HSDL1: variants seen among roughly 807,000 people sequenced by gnomAD.
HSDL1 encodes inactive hydroxysteroid dehydrogenase-like protein 1.
Under a neutral mutation model 31.5 loss-of-function variants are expected in HSDL1, and 29 were observed. That is an observed-to-expected ratio of 0.92 (90% CI 0.69 to 1.26). The LOEUF (loss-of-function observed/expected upper bound fraction) is 1.26. Among genes scored for constraint, HSDL1 ranks in the 50% most tolerant of loss-of-function variants. The probability of loss-of-function intolerance (pLI) is 0.00; values close to 1 mark genes in which losing one functional copy is unlikely to be tolerated. For synonymous variants in HSDL1, 222 were observed against 155.2 expected (o/e 1.43, Z -3.20); for missense variants, 503 against 416.6 (o/e 1.21, Z -1.81).
chr16:84,141,401 G>A lies in HSDL1; in HGVS notation c.-69+3679C>T, dbSNP rs866048103. Among the ~76,000 whole-genome samples, 13 of 151,660 alleles carry A rather than the reference G, an allele frequency of 8.6e-5. No individual in the cohort carries two copies. The South Asian group carries it at 1.0e-3, about 12-fold the overall frequency. On this transcript the variant is annotated intron_variant, in intron 1 of 5. Coordinates refer to ENST00000219439, the MANE Select transcript of HSDL1 (RefSeq NM_031463.5). ...CCTGCTGCTGGTTCAGATACACCAC[G>A]ATTCACAGGTCCCCCTGCTGCTGGT...
chr16:84,133,202 T>A (rs1336891666), intron 2 of HSDL1, among the ~76,000 whole-genome samples: 2 of 152,106 alleles, frequency 1.3e-5, no homozygotes, highest in African/African-American at 4.8e-5. Flanking sequence ...AAAAGGCATA[T>A]AAAATAATTT....
intron 4 of HSDL1, 69 bp from the exon 5 acceptor site, chr16:84,129,844 A>G: frequency 4.8e-6 from 7 of 1,456,146 alleles, no homozygotes; most frequent in Non-Finnish European, 6.6e-6. Flanking sequence ...AGAAAAAAAG[A>G]CTTGCTTATT....
chr16:84,131,472 T>A, intron 2 of HSDL1, 145 bp from the exon 3 acceptor site: 1 of 630,878 alleles, frequency 1.6e-6, no homozygotes. Flanking sequence ...TGTACGTGGC[T>A]CACAGTTTCA....
rs778621571 is a variant in HSDL1, at chr16:84,130,424, T to A, written c.228A>T (p.Thr76=). 8.1e-6 allele frequency: 13 copies of A among 1,605,838 alleles called. No homozygotes were observed. Among genetic ancestry groups the A allele is most frequent in the Non-Finnish European group, 1.1e-5 (13 of 1,176,164 alleles). ...CAGCGTAGGCTTTTCCAATCCCATC[T>A]GTTGCACCTAGGATGCAAGTCAGGA... is the stretch of plus-strand genomic sequence containing the variant. ...YGRWAVVSGA[T]DGIGKAYAEE... The change falls in exon 4 of 6, where the codon ACA becomes ACT. Residue 76 remains threonine, a synonymous_variant. Transcript: ENST00000219439.
At chr16:84,131,664 GCCA>G (rs2151187742) in intron 2 of HSDL1, among the ~76,000 whole-genome samples, 1 of 147,490 alleles carries the variant, frequency 6.8e-6, no homozygotes, top group African/African-American at 2.5e-5. Context: ...ACAGGCACAT[GCCA>G]CCACGCCCGG....
At position 84,131,464 on chromosome 16, in the gene HSDL1, T is replaced by A. The variant is rs1231080186; in HGVS notation, c.-6-137A>T. 8 of 642,980 alleles carry A rather than the reference T, an allele frequency of 1.2e-5. No individual in the cohort carries two copies. The Admixed American group carries it at 2.1e-4, about 17-fold the overall frequency. The allele number at this position is 642,980 out of a possible 1,614,324, so 39.8% of individuals were successfully genotyped here. A position where few individuals can be genotyped will look rare whatever the true frequency, so the allele number is the denominator to read the frequency against. On this transcript the variant is annotated intron_variant, in intron 2 of 5. Coordinates refer to ENST00000219439, the MANE Select transcript of HSDL1 (RefSeq NM_031463.5). ...TCAAATAACACTAACTTTTCAAATGTACGTGGCTCACAGTTTCAGTCTATC... is the reference window on the plus strand; with the variant it reads ...TCAAATAACACTAACTTTTCAAATGAACGTGGCTCACAGTTTCAGTCTATC...
intron 1 of HSDL1, among the ~76,000 whole-genome samples, chr16:84,142,082 A>T (rs2086774082): frequency 6.6e-6 from 1 of 152,108 alleles, no homozygotes; most frequent in South Asian, 2.1e-4. Context: ...ATGTACCACC[A>T]AGCCCAGTTA....
chr16:84,135,051 G>A (rs1181079956), intron 2 of HSDL1, among the ~76,000 whole-genome samples: 1 of 152,106 alleles, frequency 6.6e-6, no homozygotes, highest in Non-Finnish European at 1.5e-5. Flanking sequence ...GGCCAACAGG[G>A]TGAAACCCTG....
intron 2 of HSDL1, 136 bp from the exon 3 acceptor site, chr16:84,131,463 G>C (rs948815963): frequency 1.6e-6 from 1 of 642,976 alleles, no homozygotes; most frequent in African/African-American, 1.8e-5. Flanking sequence ...CTTTTCAAAT[G>C]TACGTGGCTC....
chr16:84,124,487 A>G lies in HSDL1; in HGVS notation c.*143T>C, dbSNP rs2086582620. On this transcript the variant is annotated 3_prime_UTR_variant, in exon 6 of 6. Coordinates refer to ENST00000219439, the MANE Select transcript of HSDL1 (RefSeq NM_031463.5). Reference sequence around the variant, plus strand: ...TTTTTCACAGCACTCTGACGGTATTATGTGTGTTTTGCAAATGACGAATCA... The same window carrying G: ...TTTTTCACAGCACTCTGACGGTATTGTGTGTGTTTTGCAAATGACGAATCA... 1 of 617,252 alleles carries G rather than the reference A, an allele frequency of 1.6e-6. No homozygotes were observed. Among genetic ancestry groups the G allele is most frequent in the Non-Finnish European group, 3.0e-6 (1 of 332,016 alleles). The allele number at this position is 617,252 out of a possible 1,614,324, so 38.2% of individuals were successfully genotyped here. A position where few individuals can be genotyped will look rare whatever the true frequency, so the allele number is the denominator to read the frequency against.
rs750038524 is a variant in HSDL1 at position 84,131,201 on chromosome 16, T to C, written c.121A>G (p.Ile41Val). 1.5e-5 allele frequency: 24 copies of C among 1,613,982 alleles called. No homozygotes were observed. Among genetic ancestry groups the C allele is most frequent in the East Asian group, 1.3e-4 (6 of 44,888 alleles). ...WYTARKSITVICDFYSLIRLH... is the reference protein window; with the variant it reads ...WYTARKSITVVCDFYSLIRLH... Reference sequence around the variant, plus strand: ...CTGATCAGGCTGTAAAAGTCACAGATGACAGTGATGCTTTTTCTGGCCGTA... The same window carrying C: ...CTGATCAGGCTGTAAAAGTCACAGACGACAGTGATGCTTTTTCTGGCCGTA... The change falls in exon 3 of 6, where the codon ATC (isoleucine) becomes GTC (valine). Residue 41 changes from isoleucine (I) to valine (V), a missense_variant. By Grantham distance (29) the Ile-to-Val change is conservative. Transcript: ENST00000219439.
rs919300979 is a variant in HSDL1, at chr16:84,131,222, C to T, written c.100G>A (p.Ala34Thr). The T allele has an allele frequency of 1.2e-6, 2 of 1,614,084 alleles. No individual in the cohort carries two copies. The highest frequency in any genetic ancestry group is 1.7e-6 in the Non-Finnish European group (2 of 1,179,968). The part of the protein sequence containing the change: ...ALALVGAWYT[A>T]RKSITVICDF... ...CAGATGACAGTGATGCTTTTTCTGG[C>T]CGTATACCAGGCTCCAACCAAAGCT... Residue 34 changes from alanine to threonine, a missense_variant, in exon 3 of 6, where the codon GCC (alanine) becomes ACC (threonine). Physicochemically the swap from Ala to Thr is moderately conservative, Grantham distance 58 (BLOSUM62 0). Transcript: ENST00000219439.
chr16:84,135,783 C>T (rs2086706692), intron 1 of HSDL1, among the ~76,000 whole-genome samples, 178 bp from the exon 2 acceptor site: 1 of 152,266 alleles, frequency 6.6e-6, no homozygotes, highest in Non-Finnish European at 1.5e-5. Flanking sequence ...ACCCTCCTCT[C>T]AGAATAAGAA....
chr16:84,144,635 C>A (rs571214162), intron 1 of HSDL1, among the ~76,000 whole-genome samples: 1 of 152,142 alleles, frequency 6.6e-6, no homozygotes, highest in South Asian at 2.1e-4. Context: ...AAAGAAGCAC[C>A]GACAAAGGAG....
chr16:84,133,353 C>G (rs940478125), intron 2 of HSDL1, among the ~76,000 whole-genome samples: 3 of 152,156 alleles, frequency 2.0e-5, no homozygotes, highest in Non-Finnish European at 4.4e-5. Context: ...AACAATCTCT[C>G]TAAAAAAGAA....
intron 1 of HSDL1, among the ~76,000 whole-genome samples, chr16:84,138,615 G>A (rs181622326): frequency 6.6e-6 from 1 of 152,264 alleles, no homozygotes; most frequent in African/African-American, 2.4e-5. Flanking sequence ...ATACTTCGAT[G>A]AAGTTGGAAA....
intron 5 of HSDL1, among the ~76,000 whole-genome samples, chr16:84,128,010 C>T (rs964055312): frequency 4.0e-5 from 6 of 150,174 alleles, no homozygotes; most frequent in Admixed American, 2.0e-4. Context: ...TGAGCCACCA[C>T]GCCCTGCCAG....
rs1294823198 is a variant in HSDL1 at position 84,131,141 on chromosome 16, C to G, written c.181G>C (p.Asp61His). The G allele has an allele frequency of 1.2e-6, 2 of 1,614,206 alleles. No homozygotes were observed. Among genetic ancestry groups the G allele is most frequent in the Non-Finnish European group, 1.7e-6 (2 of 1,180,032 alleles). ...HFIPRLGSRA[D>H]LIKQYGRWAV... ...CATCTTCCATACTGCTTGATCAAGT[C>G]TGCTCTGCTCCCCAGGCGGGGGATA... The change falls in exon 3 of 6, where the codon GAC becomes CAC. Residue 61 changes from aspartate (D) to histidine (H), a missense_variant. Coordinates refer to ENST00000219439, the MANE Select transcript of HSDL1 (RefSeq NM_031463.5).
intron 1 of HSDL1, among the ~76,000 whole-genome samples, chr16:84,137,863 T>C (rs1001720755): frequency 2.0e-5 from 3 of 152,242 alleles, no homozygotes; most frequent in Admixed American, 6.5e-5. Flanking sequence ...TAGGCATATG[T>C]AGATAACAAG....
Sources: gnomAD v4.1 joint callset for allele counts (sites outside exome capture counted in the v4.1 genomes callset) on GRCh38, gnomAD v4.1.1 for gene constraint, MANE v1.5 for transcripts, NCBI Gene and HGNC (gene_info 2026-07-23, HGNC 2026-07-21) for gene names.